Variants in SLC13A1 observed in about 807,000 individuals in gnomAD.
The protein encoded by SLC13A1 is solute carrier family 13 member 1, also known as Na(+)/sulfate cotransporter.
SLC13A1 carries 65 observed loss-of-function variants against 70.0 expected under a neutral mutation model. That is an observed-to-expected ratio of 0.93 (90% confidence interval 0.76 to 1.14). SLC13A1 has a LOEUF of 1.14. SLC13A1 is among the 50% of genes most tolerant of loss of function. The probability of loss-of-function intolerance (pLI) is 0.00; values close to 1 mark genes in which losing one functional copy is unlikely to be tolerated. For missense variants in SLC13A1, 726 were observed against 717.8 expected (o/e 1.01, Z -0.13); for synonymous variants, 275 against 250.5 (o/e 1.10, Z -0.92).
chr7:123,116,398 G>A (rs1271199356), intron 14 of SLC13A1, among the ~76,000 whole-genome samples: 1 of 152,192 alleles, frequency 6.6e-6, no homozygotes, highest in Non-Finnish European at 1.5e-5. Flanking sequence ...GCAGAGTTGA[G>A]TAGTTGTGAC....
intron 6 of SLC13A1, among the ~76,000 whole-genome samples, chr7:123,159,664 A>G (rs1794820129): frequency 6.6e-6 from 1 of 152,184 alleles, no homozygotes; most frequent in Non-Finnish European, 1.5e-5. Flanking sequence ...TAGACCACCC[A>G]TACAAGTGTG....
chr7:123,163,870 A>C (rs1215818496), intron 6 of SLC13A1, among the ~76,000 whole-genome samples: 2 of 151,974 alleles, frequency 1.3e-5, no homozygotes, highest in Non-Finnish European at 1.5e-5. Flanking sequence ...TTTTACTGTA[A>C]TTGTAATCAT....
chr7:123,128,605 T>C (rs1018997833), intron 10 of SLC13A1, among the ~76,000 whole-genome samples: 1 of 152,144 alleles, frequency 6.6e-6, no homozygotes, highest in Non-Finnish European at 1.5e-5. Flanking sequence ...TGGGAATAAT[T>C]TTGTCTAATG....
At chr7:123,175,843 T>C (rs1795429965) in intron 2 of SLC13A1, among the ~76,000 whole-genome samples, 1 of 152,196 alleles carries the variant, frequency 6.6e-6, no homozygotes, top group African/African-American at 2.4e-5. Context: ...AAGCCATTAT[T>C]AGTAAGTGAT....
intron 6 of SLC13A1, among the ~76,000 whole-genome samples, chr7:123,154,213 T>G (rs1187684000): frequency 6.6e-6 from 1 of 152,150 alleles, no homozygotes; most frequent in Non-Finnish European, 1.5e-5. Flanking sequence ...CTATGAATTT[T>G]TAAAACTACA....
In SLC13A1 at chr7:123,155,621, G is replaced by A. The variant is rs188697983; in HGVS notation, c.661-8311C>T. ...TTGGTTGTCTGCTCACATTTCAGGC[G>A]GTGAATATTTGTGTAGAAGCTCTGC... is the stretch of plus-strand genomic sequence containing the variant. On this transcript the variant is annotated intron_variant, in intron 6 of 14. Transcript: ENST00000194130. Among the ~76,000 whole-genome samples the A allele has an allele frequency of 2.9e-4, 44 of 152,104 alleles. No individual in the cohort carries two copies. The Middle Eastern group carries it at 0.014, about 47-fold the overall frequency.
rs1386503853 is a variant in SLC13A1 at position 123,117,498 on chromosome 7, T to A, written c.1623A>T (p.Ser541=). The part of the protein sequence containing the change: ...VANPPNAIVF[S]YGHLKVIDMV... ...TGTCAATGACTTTCAGATGACCATA[T>A]GAAAAGACAATAGCATTGGGTGGAT... Residue 541 remains serine (S), a synonymous_variant, in exon 14 of 15, where the codon TCA becomes TCT. Coordinates refer to ENST00000194130, the MANE Select transcript of SLC13A1 (RefSeq NM_022444.4). 6.2e-7 allele frequency: 1 copy of A among 1,613,360 alleles called. No homozygotes were observed. The highest frequency in any genetic ancestry group is 8.5e-7 in the Non-Finnish European group (1 of 1,179,612).
At chr7:123,163,606 G>T (rs1794981313) in intron 6 of SLC13A1, among the ~76,000 whole-genome samples, 1 of 152,024 alleles carries the variant, frequency 6.6e-6, no homozygotes, top group Non-Finnish European at 1.5e-5. Context: ...CTATTAACAA[G>T]AATTTTAGAG....
chr7:123,186,619 CG>C (rs925833627), intron 1 of SLC13A1: 15 of 413,358 alleles, frequency 3.6e-5, no homozygotes, highest in Non-Finnish European at 6.8e-5. Flanking sequence ...CTCAAGAGAA[CG>C]ATGGTAAAAC....
In SLC13A1 at chr7:123,171,762, A is replaced by G. The variant is rs775537466; in HGVS notation, c.365+6T>C. The G allele has an allele frequency of 1.9e-5, 31 of 1,613,576 alleles. No individual in the cohort carries two copies. The Admixed American group carries it at 2.8e-4, about 15-fold the overall frequency. ...GTAAACTGGAAGCAGTAAATGCAGT[A>G]CTTACCATGCAGGATTTACACCAAC... On this transcript the variant is annotated splice_donor_region_variant and intron_variant, in intron 3 of 14. Transcript: ENST00000194130.
At position 123,128,725 on chromosome 7, in the gene SLC13A1, T is replaced by C. The variant is rs375847701; in HGVS notation, c.1133+120A>G. On this transcript the variant is annotated intron_variant, in intron 10 of 14. Transcript: ENST00000194130. Reference sequence around the variant, plus strand: ...CCTGAAAAGATTAGAACTTAAAATATCTTTTCAAGGGAAAGAAAGAAAAAT... The same window carrying C: ...CCTGAAAAGATTAGAACTTAAAATACCTTTTCAAGGGAAAGAAAGAAAAAT... 2.6e-4 allele frequency: 173 copies of C among 667,330 alleles called. 1 individual carries two copies. The African/African-American group carries it at 2.7e-3, about 11-fold the overall frequency. 41.3% of individuals were successfully genotyped at this position (667,330 alleles called of 1,614,324 possible).
Position 123,168,442 on chromosome 7 carries a change from A to C in SLC13A1, c.612-20T>G. 6.3e-7 allele frequency: 1 copy of C among 1,588,740 alleles called. No individual in the cohort carries two copies. Among genetic ancestry groups the C allele is most frequent in the Non-Finnish European group, 8.6e-7 (1 of 1,161,220 alleles). Reference sequence around the variant, plus strand: ...TTGTATCTGAAAAATACATTGATCCAGTTATAATTTTATTAAAATATAATT... The same window carrying C: ...TTGTATCTGAAAAATACATTGATCCCGTTATAATTTTATTAAAATATAATT... On this transcript the variant is annotated intron_variant, in intron 5 of 14. Coordinates refer to ENST00000194130, the MANE Select transcript of SLC13A1 (RefSeq NM_022444.4).
At chr7:123,172,792 CTT>C (rs35006554) in intron 2 of SLC13A1, among the ~76,000 whole-genome samples, 1 of 151,162 alleles carries the variant, frequency 6.6e-6, no homozygotes, top group Non-Finnish European at 1.5e-5. Flanking sequence ...GGTACATAAT[CTT>C]TTTTTTTAAA....
chr7:123,153,476 C>A (rs1794620777), intron 6 of SLC13A1, among the ~76,000 whole-genome samples: 2 of 151,912 alleles, frequency 1.3e-5, no homozygotes, highest in African/African-American at 4.8e-5. Flanking sequence ...TCAGATTTAT[C>A]ATTATTTTTA....
chr7:123,136,420 G>T (rs954819721), intron 7 of SLC13A1, among the ~76,000 whole-genome samples: 2 of 152,122 alleles, frequency 1.3e-5, no homozygotes, highest in Non-Finnish European at 2.9e-5. Context: ...GACAAATAAA[G>T]AAATATATGG....
Position 123,168,430 on chromosome 7 carries a change from A to G in SLC13A1, c.612-8T>C. ...CCTGTATCATTATTGTATCTGAAAA[A>G]TACATTGATCCAGTTATAATTTTAT... is the stretch of plus-strand genomic sequence containing the variant. On this transcript the variant is annotated splice_region_variant and splice_polypyrimidine_tract_variant and intron_variant, in intron 5 of 14. Transcript: ENST00000194130. The G allele has an allele frequency of 2.5e-6, 4 of 1,593,894 alleles. No individual in the cohort carries two copies. Among genetic ancestry groups the G allele is most frequent in the Non-Finnish European group, 2.6e-6 (3 of 1,165,240 alleles).
At chr7:123,146,222 T>C (rs1046679257) in intron 7 of SLC13A1, among the ~76,000 whole-genome samples, 1 of 152,164 alleles carries the variant, frequency 6.6e-6, no homozygotes, top group South Asian at 2.1e-4. Flanking sequence ...ATGGACCTTT[T>C]TGTTGTTAAA....
chr7:123,133,644 T>G (rs1236719618), intron 8 of SLC13A1, among the ~76,000 whole-genome samples: 1 of 151,536 alleles, frequency 6.6e-6, no homozygotes, highest in Admixed American at 6.6e-5. Flanking sequence ...TTCAAGCAAT[T>G]CTCCTTCCTC....
chr7:123,115,691 G>A (rs376809456), intron 14 of SLC13A1, 36 bp from the exon 15 acceptor site: 4 of 1,609,674 alleles, frequency 2.5e-6, no homozygotes, highest in African/African-American at 2.7e-5. Context: ...CAGTGTCCCA[G>A]AAGAAAGCCT....
Sources: gnomAD v4.1 joint callset for allele counts (sites outside exome capture counted in the v4.1 genomes callset) on GRCh38, gnomAD v4.1.1 for gene constraint, MANE v1.5 for transcripts, NCBI Gene and HGNC (gene_info 2026-07-23, HGNC 2026-07-21) for gene names.